PCDHGA11: variants seen among roughly 807,000 people sequenced by gnomAD.
The protein encoded by PCDHGA11 is protocadherin gamma-A11.
A neutral mutation model predicts 60.4 loss-of-function variants in PCDHGA11; 39 were observed. The observed-to-expected ratio is 0.65, with a 90% CI of 0.50 to 0.84. PCDHGA11 has a LOEUF of 0.84. Ranked by LOEUF, PCDHGA11 falls within the 40% of genes least tolerant of loss-of-function variation. The probability of loss-of-function intolerance (pLI) is 0.00; values close to 1 mark genes in which losing one functional copy is unlikely to be tolerated. For synonymous variants in PCDHGA11, 533 were observed against 510.3 expected (o/e 1.04, Z -0.60); for missense variants, 1,165 against 1,197.7 (o/e 0.97, Z 0.40).
intron 1 of PCDHGA11, among the ~76,000 whole-genome samples, chr5:141,482,530 C>CAAAAAAAAAAAAA (rs3074545): frequency 3.9e-5 from 3 of 76,560 alleles, no homozygotes; most frequent in African/African-American, 9.6e-5. Context: ...GACAGACATG[C>CAAAAAAAAAAAAA]AAAAAAAAAA....
intron 3 of PCDHGA11, among the ~76,000 whole-genome samples, chr5:141,506,484 C>T (rs1489425559): frequency 6.6e-6 from 1 of 150,566 alleles, no homozygotes; most frequent in Non-Finnish European, 1.5e-5. Context: ...GCTTTAGAGG[C>T]AGGCCAATCT....
At chr5:141,457,432 C>G (rs982456249) in intron 1 of PCDHGA11, among the ~76,000 whole-genome samples, 1 of 152,172 alleles carries the variant, frequency 6.6e-6, no homozygotes, top group Non-Finnish European at 1.5e-5. Context: ...TCCCCCCCAC[C>G]AAGCTGCAGA....
intron 1 of PCDHGA11, among the ~76,000 whole-genome samples, chr5:141,492,356 G>A (rs2099739649): frequency 6.6e-6 from 1 of 152,198 alleles, no homozygotes; most frequent in Non-Finnish European, 1.5e-5. Context: ...ACTGCCACTC[G>A]CTCGCGGCCA....
chr5:141,478,956 T>C (rs2099484450), intron 1 of PCDHGA11, among the ~76,000 whole-genome samples: 1 of 152,200 alleles, frequency 6.6e-6, no homozygotes. Context: ...AACTACCTCA[T>C]TCCTCCACCT....
At chr5:141,424,700 T>C (rs1359856009) in intron 1 of PCDHGA11, 3 of 152,228 alleles carry the variant, frequency 2.0e-5, no homozygotes, top group African/African-American at 7.2e-5. Context: ...TATTTTTTTG[T>C]TCATTTTCAG....
chr5:141,490,009 A>T lies in PCDHGA11; in HGVS notation c.2434-4798A>T. Reference sequence around the variant, plus strand: ...TGTGGGAATCCCAGAGAATGCACCCATTGGTACTCTGCTGCTCCGCCTCAA... The same window carrying T: ...TGTGGGAATCCCAGAGAATGCACCCTTTGGTACTCTGCTGCTCCGCCTCAA... On this transcript the variant is annotated intron_variant, in intron 1 of 3. Transcript: ENST00000398587. The surrounding 1 kb of genome is among the most constrained non-coding windows in gnomAD (Gnocchi z 5.4). 5 of 1,614,214 alleles carry T rather than the reference A, an allele frequency of 3.1e-6. No individual in the cohort carries two copies. The highest frequency in any genetic ancestry group is 4.2e-6 in the Non-Finnish European group (5 of 1,180,032).
chr5:141,427,704 G>A (rs2097059746), intron 1 of PCDHGA11: 1 of 966,116 alleles, frequency 1.0e-6, no homozygotes, highest in Non-Finnish European at 1.6e-6. Flanking sequence ...ACAAGTCAGC[G>A]CCTCTGACCT....
chr5:141,476,868 C>T lies in PCDHGA11; in HGVS notation c.2434-17939C>T, dbSNP rs1213404395. On this transcript the variant is annotated intron_variant, in intron 1 of 3. Coordinates refer to ENST00000398587, the MANE Select transcript of PCDHGA11 (RefSeq NM_018914.3). This position sits in a 1 kb window ranked among gnomAD's most constrained non-coding sequence, Gnocchi z 7.6. ...GTCTTCAACCAGTCCTTGTACCGGG[C>T]GCGCGTCCTGGAGGATGCACCCTCC... 3 of 1,613,874 alleles carry T rather than the reference C, an allele frequency of 1.9e-6. No individual in the cohort carries two copies. Among genetic ancestry groups the T allele is most frequent in the Admixed American group, 3.3e-5 (2 of 60,026 alleles).
chr5:141,432,945 G>A lies in PCDHGA11; in HGVS notation c.2433+9285G>A, dbSNP rs761055026. On this transcript the variant is annotated intron_variant, in intron 1 of 3. Transcript: ENST00000398587. This position sits in a 1 kb window ranked among gnomAD's most constrained non-coding sequence, Gnocchi z 6.0. ...AAGTCACGCCTGCTGCAGGCTTCAGGAGGCGGCTTGACAGGAGCGCCGGCG... is the reference window on the plus strand; with the variant it reads ...AAGTCACGCCTGCTGCAGGCTTCAGAAGGCGGCTTGACAGGAGCGCCGGCG... 3 of 1,614,218 alleles carry A rather than the reference G, an allele frequency of 1.9e-6. No individual in the cohort carries two copies. The highest frequency in any genetic ancestry group is 2.5e-6 in the Non-Finnish European group (3 of 1,180,058).
At chr5:141,443,467 C>T (rs2098389901) in intron 1 of PCDHGA11, among the ~76,000 whole-genome samples, 2 of 152,156 alleles carry the variant, frequency 1.3e-5, no homozygotes, top group African/African-American at 4.8e-5. Context: ...GTCTGGGTGA[C>T]AGAATTAGAC....
chr5:141,466,933 C>A (rs1305734739), intron 1 of PCDHGA11, among the ~76,000 whole-genome samples: 1 of 152,100 alleles, frequency 6.6e-6, no homozygotes, highest in Non-Finnish European at 1.5e-5. Context: ...GAATATTAGT[C>A]CTTTGTCCAG....
intron 2 of PCDHGA11, among the ~76,000 whole-genome samples, chr5:141,503,638 T>C (rs1467962880): frequency 1.3e-5 from 2 of 151,908 alleles, no homozygotes; most frequent in Non-Finnish European, 2.9e-5. Flanking sequence ...AAATAATTAT[T>C]GAATCAATGG....
In PCDHGA11 at chr5:141,485,429, A is replaced by T. The variant is rs1388904857; in HGVS notation, c.2434-9378A>T. On this transcript the variant is annotated intron_variant, in intron 1 of 3. Transcript: ENST00000398587. This position sits in a 1 kb window ranked among gnomAD's most constrained non-coding sequence, Gnocchi z 5.7. Reference sequence around the variant, plus strand: ...GGATTTGGACAGCGGAGCCCTGCTCATCAAGAACCCAATCGACCGAGAGGC... The same window carrying T: ...GGATTTGGACAGCGGAGCCCTGCTCTTCAAGAACCCAATCGACCGAGAGGC... The T allele has an allele frequency of 6.2e-7, 1 of 1,614,090 alleles. No homozygotes were observed. Among genetic ancestry groups the T allele is most frequent in the Non-Finnish European group, 8.5e-7 (1 of 1,180,052 alleles).
rs2099883943 is a variant in PCDHGA11, at chr5:141,511,766, G to A, written c.*593G>A. ...TGGAGGACATGATCACCATCCCCAT[G>A]GTACTGATGCTTGCTGGATTTAGGG... On this transcript the variant is annotated 3_prime_UTR_variant, in exon 4 of 4. Coordinates refer to ENST00000398587, the MANE Select transcript of PCDHGA11 (RefSeq NM_018914.3). 2 of 161,712 alleles carry A rather than the reference G, an allele frequency of 1.2e-5. No homozygotes were observed. Among genetic ancestry groups the A allele is most frequent in the Non-Finnish European group, 2.8e-5 (2 of 72,704 alleles). The allele number at this position is 161,712 out of a possible 1,614,324, so 10.0% of individuals were successfully genotyped here.
chr5:141,485,676 G>A lies in PCDHGA11; in HGVS notation c.2434-9131G>A. The A allele has an allele frequency of 6.2e-7, 1 of 1,612,928 alleles. No individual in the cohort carries two copies. The highest frequency in any genetic ancestry group is 2.2e-5 in the East Asian group (1 of 44,848). On this transcript the variant is annotated intron_variant, in intron 1 of 3. Coordinates refer to ENST00000398587, the MANE Select transcript of PCDHGA11 (RefSeq NM_018914.3). This position sits in a 1 kb window ranked among gnomAD's most constrained non-coding sequence, Gnocchi z 5.7. ...GCAGATGTGGGGAGCAATTCGATTA[G>A]CAGCTATAGGCTGAGCTCCAATGAA...
intron 1 of PCDHGA11, among the ~76,000 whole-genome samples, chr5:141,470,055 G>A (rs1432696943): frequency 1.3e-5 from 2 of 152,192 alleles, no homozygotes; most frequent in Non-Finnish European, 1.5e-5. Context: ...TTTGAACCCC[G>A]GAGGCAGAGA....
intron 1 of PCDHGA11, among the ~76,000 whole-genome samples, chr5:141,475,253 A>C (rs2099360990): frequency 6.6e-6 from 1 of 152,200 alleles, no homozygotes; most frequent in Non-Finnish European, 1.5e-5. Flanking sequence ...GTGCTCTACA[A>C]CTGAGATCAT....
At chr5:141,482,530 C>CAAAAAA (rs3074545) in intron 1 of PCDHGA11, among the ~76,000 whole-genome samples, 68 of 76,370 alleles carry the variant, frequency 8.9e-4, no homozygotes, top group African/African-American at 1.2e-3. Context: ...GACAGACATG[C>CAAAAAA]AAAAAAAAAA....
intron 1 of PCDHGA11, among the ~76,000 whole-genome samples, chr5:141,429,377 G>GT (rs566693637): frequency 0.17 from 24,737 of 149,382 alleles, 2,566 homozygotes; most frequent in African/African-American, 0.31. Context: ...GAGAAAATGT[G>GT]TTTTTTTTTT....
Sources: allele counts gnomAD v4.1 joint callset (sites outside exome capture counted in the v4.1 genomes callset), GRCh38; gene constraint gnomAD v4.1.1; non-coding constraint Gnocchi (gnomAD v3.1); transcripts MANE v1.5; gene names NCBI Gene and HGNC (gene_info 2026-07-23, HGNC 2026-07-21).